Variants in KCND3 observed in about 807,000 individuals in gnomAD.
KCND3 encodes A-type voltage-gated potassium channel KCND3.
KCND3 carries 9 observed loss-of-function variants against 51.1 expected under a neutral mutation model. The ratio of observed to expected loss-of-function variants is 0.18; its 90% CI spans 0.11 to 0.31. The LOEUF (loss-of-function observed/expected upper bound fraction) is 0.31. Ranked by LOEUF, KCND3 falls within the 10% of genes least tolerant of loss-of-function variation. The pLI is 1.00. For synonymous variants in KCND3, 349 were observed against 368.0 expected (o/e 0.95, Z 0.59); for missense variants, 526 against 903.8 (o/e 0.58, Z 5.36).
chr1:111,787,421 G>A (rs1470300453), intron 2 of KCND3, among the ~76,000 whole-genome samples: 1 of 152,222 alleles, frequency 6.6e-6, no homozygotes, highest in Non-Finnish European at 1.5e-5. Context: ...GTCAGGAAAG[G>A]CCTCTCTGAG....
At chr1:111,916,423 C>G (rs1301258353) in intron 2 of KCND3, among the ~76,000 whole-genome samples, 1 of 151,986 alleles carries the variant, frequency 6.6e-6, no homozygotes, top group Non-Finnish European at 1.5e-5. Flanking sequence ...GCTAAAAGTG[C>G]TTAGAAATAA....
intron 2 of KCND3, among the ~76,000 whole-genome samples, chr1:111,913,520 C>T (rs1671060402): frequency 6.6e-6 from 1 of 152,188 alleles, no homozygotes; most frequent in African/African-American, 2.4e-5. Flanking sequence ...TTCCAATTAA[C>T]TTAACTCTAT....
At chr1:111,964,748 G>C (rs72694637) in intron 2 of KCND3, among the ~76,000 whole-genome samples, 11,262 of 152,234 alleles carry the variant, frequency 0.074, 528 homozygotes, top group Non-Finnish European at 0.11. Context: ...GGAAAAGGAG[G>C]GGGTATTGTC....
chr1:111,935,127 T>A (rs979196865), intron 2 of KCND3, among the ~76,000 whole-genome samples: 2 of 152,232 alleles, frequency 1.3e-5, no homozygotes, highest in African/African-American at 4.8e-5. Flanking sequence ...GTCTTATGGT[T>A]TTCATTAGAT....
chr1:111,870,199 C>T (rs1668769345), intron 2 of KCND3, among the ~76,000 whole-genome samples: 1 of 152,216 alleles, frequency 6.6e-6, no homozygotes, highest in African/African-American at 2.4e-5. Context: ...AGCTTACAGA[C>T]CCAGCAAATG....
At chr1:111,892,401 A>G (rs1669874381) in intron 2 of KCND3, among the ~76,000 whole-genome samples, 1 of 152,236 alleles carries the variant, frequency 6.6e-6, no homozygotes, top group South Asian at 2.1e-4. Context: ...TTGAGACCTC[A>G]GGCAAGTGGT....
At chr1:111,847,448 C>G (rs1667604980) in intron 2 of KCND3, among the ~76,000 whole-genome samples, 1 of 152,160 alleles carries the variant, frequency 6.6e-6, no homozygotes, top group Non-Finnish European at 1.5e-5. Flanking sequence ...TCAACCATTT[C>G]CATGTTATTT....
intron 3 of KCND3, among the ~76,000 whole-genome samples, chr1:111,785,881 C>T (rs1177677195): frequency 2.0e-5 from 3 of 152,106 alleles, no homozygotes; most frequent in Non-Finnish European, 4.4e-5. Context: ...TGCATAGGGC[C>T]GACCACATAG....
intron 2 of KCND3, among the ~76,000 whole-genome samples, chr1:111,817,571 C>T (rs911745849): frequency 4.6e-5 from 7 of 152,182 alleles, no homozygotes; most frequent in African/African-American, 1.7e-4. Flanking sequence ...AGTAACATGA[C>T]AATGTTAACA....
At chr1:111,980,726 G>C (rs1474230292) in intron 2 of KCND3, among the ~76,000 whole-genome samples, 1 of 152,142 alleles carries the variant, frequency 6.6e-6, no homozygotes, top group Non-Finnish European at 1.5e-5. Context: ...CTATAATCCT[G>C]CTAGGGTGAA....
chr1:111,896,871 A>G (rs532362909), intron 2 of KCND3, among the ~76,000 whole-genome samples: 1 of 152,210 alleles, frequency 6.6e-6, no homozygotes, highest in Non-Finnish European at 1.5e-5. Context: ...TTCCACCATC[A>G]TAAGTACCTT....
At chr1:111,954,744 TCTC>T (rs1393692646) in intron 2 of KCND3, among the ~76,000 whole-genome samples, 1 of 152,190 alleles carries the variant, frequency 6.6e-6, no homozygotes, top group East Asian at 1.9e-4. Flanking sequence ...GACCTAGACT[TCTC>T]CTCCAGCAGC....
intron 2 of KCND3, among the ~76,000 whole-genome samples, chr1:111,810,524 G>T (rs1665799463): frequency 6.6e-6 from 1 of 152,256 alleles, no homozygotes; most frequent in Non-Finnish European, 1.5e-5. Flanking sequence ...TGGCTGGAGA[G>T]ACAGCAGGTG....
intron 2 of KCND3, among the ~76,000 whole-genome samples, chr1:111,827,099 A>C (rs1163066211): frequency 6.6e-6 from 1 of 152,250 alleles, no homozygotes; most frequent in East Asian, 1.9e-4. Context: ...GGGATTAGGA[A>C]TACTTAGCCT....
intron 1 of KCND3, among the ~76,000 whole-genome samples, chr1:111,986,172 A>T (rs1281885851): frequency 6.6e-6 from 1 of 152,234 alleles, no homozygotes; most frequent in Non-Finnish European, 1.5e-5. Flanking sequence ...CTCTGTTCCA[A>T]TTCAGAGTTG....
At chr1:111,964,361 C>G (rs1239002117) in intron 2 of KCND3, among the ~76,000 whole-genome samples, 1 of 152,170 alleles carries the variant, frequency 6.6e-6, no homozygotes, top group Admixed American at 6.5e-5. Context: ...AACCTGCGGG[C>G]TGCAGTACAC....
intron 2 of KCND3, among the ~76,000 whole-genome samples, chr1:111,976,869 C>G (rs1312198710): frequency 6.6e-6 from 1 of 152,178 alleles, no homozygotes; most frequent in East Asian, 1.9e-4. Context: ...GGCTGATGTG[C>G]AATCATAGTG....
chr1:111,954,477 AC>A lies in KCND3; in HGVS notation c.1106+27143del, dbSNP rs541739398. 4.2e-3 allele frequency among the ~76,000 whole-genome samples: 642 copies of A among 152,326 alleles called. 3 individuals are homozygous for A. The highest frequency in any genetic ancestry group is 6.9e-3 in the Non-Finnish European group (470 of 68,016). Reference sequence around the variant, plus strand: ...GTGACCTGAAAAGTCATGGGACTTGACCCAGATTTCATCTGGGGTGCAGAAT... The same window carrying A: ...GTGACCTGAAAAGTCATGGGACTTGACCAGATTTCATCTGGGGTGCAGAAT... On this transcript the variant is annotated intron_variant, in intron 2 of 7. Coordinates refer to ENST00000302127, the MANE Select transcript of KCND3 (RefSeq NM_001378969.1).
At chr1:111,922,847 T>C (rs1195300047) in intron 2 of KCND3, among the ~76,000 whole-genome samples, 5 of 152,210 alleles carry the variant, frequency 3.3e-5, no homozygotes, top group South Asian at 2.1e-4. Flanking sequence ...CTGTTTTATA[T>C]GGTAGTTGTA....
Sources: gnomAD v4.1 joint callset for allele counts (sites outside exome capture counted in the v4.1 genomes callset) on GRCh38, gnomAD v4.1.1 for gene constraint, MANE v1.5 for transcripts, NCBI Gene and HGNC (gene_info 2026-07-23, HGNC 2026-07-21) for gene names.